The following TRIM21 variants were observed in gnomAD, a reference collection of about 807,000 sequenced individuals.
TRIM21 encodes tripartite motif containing 21.
TRIM21 carries 35 observed loss-of-function variants against 36.1 expected under a neutral mutation model. The observed-to-expected ratio is 0.97, with a 90% CI of 0.74 to 1.28. TRIM21 has a LOEUF of 1.28. TRIM21 is among the 50% of genes most tolerant of loss of function. The probability of loss-of-function intolerance (pLI) is 0.00; values close to 1 mark genes in which losing one functional copy is unlikely to be tolerated. For synonymous variants in TRIM21, 256 were observed against 211.5 expected, an observed-to-expected ratio of 1.21 and a Z score of -1.83; for missense variants, 635 against 570.7, an observed-to-expected ratio of 1.11 and a Z score of -1.15.
chr11:4,390,352 G>A lies in TRIM21; in HGVS notation c.58C>T (p.Leu20=). The part of the protein sequence containing the change: ...MWEEVTCPIC[L]DPFVEPVSIE... ...CTCACAGGCTCCACGAAGGGGTCCA[G>A]GCAGATAGGGCATGTGACCTCCTCC... Residue 20 remains leucine (L), a synonymous_variant, in exon 2 of 7, where the codon CTG becomes TTG. Transcript: ENST00000254436. 1.2e-6 allele frequency: 2 copies of A among 1,613,848 alleles called. No individual in the cohort carries two copies.
At chr11:4,386,756 T>C (rs1394798966) in intron 5 of TRIM21, among the ~76,000 whole-genome samples, 11 of 152,198 alleles carry the variant, frequency 7.2e-5, no homozygotes, top group Admixed American at 7.2e-4. Context: ...TGTGAAGATG[T>C]TATGATCCAA....
At chr11:4,388,568 A>G in intron 3 of TRIM21, 38 bp from the exon 4 acceptor site, 1 of 1,587,080 alleles carries the variant, frequency 6.3e-7, no homozygotes, top group Admixed American at 1.7e-5. Flanking sequence ...GGTTTTTATG[A>G]AAATCTCCCA....
chr11:4,393,413 C>G (rs2094965494), intron 1 of TRIM21, among the ~76,000 whole-genome samples: 2 of 152,130 alleles, frequency 1.3e-5, no homozygotes, highest in African/African-American at 2.4e-5. Flanking sequence ...CCTTCCCCTT[C>G]TGGGTAACTC....
In TRIM21 at chr11:4,390,010, C is replaced by T. The variant is rs367901949; in HGVS notation, c.400G>A (p.Glu134Lys). 37 of 1,613,614 alleles carry T rather than the reference C, an allele frequency of 2.3e-5. No homozygotes were observed. The highest frequency in any genetic ancestry group is 2.8e-5 in the Non-Finnish European group (33 of 1,179,766). Residue 134 changes from glutamate (E) to lysine (K), a missense_variant, in exon 2 of 7, where the codon GAG becomes AAG. Coordinates refer to ENST00000254436, the MANE Select transcript of TRIM21 (RefSeq NM_003141.4). ...TGTCTCTTAGGCCTCACCTGGTACT[C>T]CTGTGCAGCCTCCTCAAGAGGGACC... ...AMVPLEEAAQ[E>K]YQEKLQVALG...
intron 1 of TRIM21, among the ~76,000 whole-genome samples, chr11:4,392,831 C>A (rs1296150818): frequency 6.6e-6 from 1 of 152,124 alleles, no homozygotes; most frequent in Non-Finnish European, 1.5e-5. Context: ...CTGCTTAAAC[C>A]CTCAGTGCTC....
At chr11:4,391,303 GACAA>G (rs1321128234) in intron 1 of TRIM21, among the ~76,000 whole-genome samples, 6 of 152,170 alleles carry the variant, frequency 3.9e-5, no homozygotes, top group Admixed American at 2.0e-4. Context: ...TCATACAAAT[GACAA>G]ACAGGCATAT....
rs2094959166 is a variant in TRIM21, at chr11:4,388,531, C to G, written c.505-1G>C. 2 of 1,606,344 alleles carry G rather than the reference C, an allele frequency of 1.2e-6. No homozygotes were observed. The highest frequency in any genetic ancestry group is 1.3e-5 in the African/African-American group (1 of 74,874). ...TAGATTTCTGTGTTTCCACTGTTTT[C>G]TTTAGTGTCAAGGGAAAGGGAGAGG... On this transcript the variant is annotated splice_acceptor_variant, in intron 3 of 6. Coordinates refer to ENST00000254436, the MANE Select transcript of TRIM21 (RefSeq NM_003141.4). LOFTEE classifies it high-confidence loss of function.
Position 4,385,757 on chromosome 11 carries a change from G to C in TRIM21, c.956C>G (p.Pro319Arg). ...VRLGDTQQSI[P>R]GNEERFDSYP... ...ACTATCAAATCTCTCTTCATTTCCA[G>C]GTATGCTCTGCTGGGTGTCTCCAAG... Residue 319 changes from proline to arginine, a missense_variant, in exon 7 of 7, where the codon CCT (proline) becomes CGT (arginine). Coordinates refer to ENST00000254436, the MANE Select transcript of TRIM21 (RefSeq NM_003141.4). 1 of 1,613,500 alleles carries C rather than the reference G, an allele frequency of 6.2e-7. No individual in the cohort carries two copies. The highest frequency in any genetic ancestry group is 8.5e-7 in the Non-Finnish European group (1 of 1,179,732).
intron 4 of TRIM21, 125 bp from the exon 5 acceptor site, chr11:4,387,115 A>G: frequency 1.1e-6 from 1 of 941,680 alleles, no homozygotes; most frequent in Non-Finnish European, 1.6e-6. Context: ...CTCTGGTCCT[A>G]GGCCCCAGAG....
At position 4,385,162 on chromosome 11, in the gene TRIM21, C is replaced by T; in HGVS notation, c.*123G>A. On this transcript the variant is annotated 3_prime_UTR_variant, in exon 7 of 7. Coordinates refer to ENST00000254436, the MANE Select transcript of TRIM21 (RefSeq NM_003141.4). ...GAAGTGACTTCCCTGCTAAAGCTCG[C>T]TTGCTGGGATCCGGATGCCTCTGCA... The T allele has an allele frequency of 1.1e-6, 1 of 945,270 alleles. No individual in the cohort carries two copies. Among genetic ancestry groups the T allele is most frequent in the South Asian group, 1.8e-5 (1 of 54,418 alleles). The allele number at this position is 945,270 out of a possible 1,614,324, so 58.6% of individuals were successfully genotyped here.
intron 6 of TRIM21, 100 bp from the exon 7 acceptor site, chr11:4,385,953 G>A: frequency 2.4e-6 from 3 of 1,256,162 alleles, no homozygotes; most frequent in Non-Finnish European, 3.3e-6. Context: ...GTAAGCATGA[G>A]GGGTGAACCT....
Position 4,385,269 on chromosome 11 carries a change from T to C in TRIM21, c.*16A>G. On this transcript the variant is annotated 3_prime_UTR_variant, in exon 7 of 7. Transcript: ENST00000254436. ...GCGGTGCCAATGGGGAGAGTGGCAG[T>C]GTCCAGAGAAAGCCATCAATAGTCA... 1 of 1,597,108 alleles carries C rather than the reference T, an allele frequency of 6.3e-7. No individual in the cohort carries two copies. Among genetic ancestry groups the C allele is most frequent in the East Asian group, 2.2e-5 (1 of 44,710 alleles).
intron 5 of TRIM21, 73 bp from the exon 6 acceptor site, chr11:4,386,330 G>A: frequency 8.3e-7 from 1 of 1,210,650 alleles, no homozygotes; most frequent in South Asian, 1.3e-5. Context: ...CCTCCATTGT[G>A]GAGGACTCCG....
At chr11:4,388,797 A>G (rs1462812235) in intron 3 of TRIM21, among the ~76,000 whole-genome samples, 1 of 152,086 alleles carries the variant, frequency 6.6e-6, no homozygotes, top group Non-Finnish European at 1.5e-5. Flanking sequence ...CTACACGAAT[A>G]TATGGCATTG....
rs780484565 is a variant in TRIM21, at chr11:4,385,625, A to C, written c.1088T>G (p.Val363Gly). ...AAGCAAAAAGTGCCCCTTCCTGCGC[A>C]CAGAGTCTCTGCAGACACCCAGGTC... ...AWDLGVCRDSVRRKGHFLLSS... is the reference protein window; with the variant it reads ...AWDLGVCRDSGRRKGHFLLSS... The change falls in exon 7 of 7, where the codon GTG becomes GGG. Residue 363 changes from valine to glycine, a missense_variant. Coordinates refer to ENST00000254436, the MANE Select transcript of TRIM21 (RefSeq NM_003141.4). The C allele has an allele frequency of 6.2e-7, 1 of 1,612,694 alleles. No homozygotes were observed. Among genetic ancestry groups the C allele is most frequent in the Admixed American group, 1.7e-5 (1 of 59,848 alleles).
Position 4,385,500 on chromosome 11 carries a change from A to T in TRIM21, c.1213T>A (p.Cys405Ser). The T allele has an allele frequency of 1.2e-6, 2 of 1,612,068 alleles. No homozygotes were observed. Among genetic ancestry groups the T allele is most frequent in the Non-Finnish European group, 1.7e-6 (2 of 1,179,038 alleles). ...TAGTCCAGGAAAATCCCAACTTGGC[A>T]TGGAGGCACCTGAAGGTGGAGGGGA... ...QTPLHLQVPP[C>S]QVGIFLDYEA... The change falls in exon 7 of 7, where the codon TGC (cysteine) becomes AGC (serine). Residue 405 changes from cysteine (C) to serine (S), a missense_variant. Coordinates refer to ENST00000254436, the MANE Select transcript of TRIM21 (RefSeq NM_003141.4).
Position 4,385,259 on chromosome 11 carries a change from A to G in TRIM21, c.*26T>C. 1 of 1,580,308 alleles carries G rather than the reference A, an allele frequency of 6.3e-7. No individual in the cohort carries two copies. Among genetic ancestry groups the G allele is most frequent in the Non-Finnish European group, 8.6e-7 (1 of 1,160,796 alleles). On this transcript the variant is annotated 3_prime_UTR_variant, in exon 7 of 7. Transcript: ENST00000254436. ...TGGCTGAGAAGCGGTGCCAATGGGG[A>G]GAGTGGCAGTGTCCAGAGAAAGCCA...
Position 4,390,128 on chromosome 11 carries a change from C to T in TRIM21, c.282G>A (p.Val94=), listed in dbSNP as rs1211515162. Residue 94 remains valine (V), a synonymous_variant, in exon 2 of 7, where the codon GTG becomes GTA. Coordinates refer to ENST00000254436, the MANE Select transcript of TRIM21 (RefSeq NM_003141.4). ...AGAACAGGTGAAGTCTCTCTCCATG[C>T]ACTGCACACCGTTCCCCCTGTGTGC... ...REGTQGERCA[V]HGERLHLFCE... is the part of the protein sequence containing the mutation. 1 of 1,614,052 alleles carries T rather than the reference C, an allele frequency of 6.2e-7. No individual in the cohort carries two copies. Among genetic ancestry groups the T allele is most frequent in the Non-Finnish European group, 8.5e-7 (1 of 1,179,890 alleles).
chr11:4,385,674 C>T lies in TRIM21; in HGVS notation c.1039G>A (p.Asp347Asn). Reference sequence around the variant, plus strand: ...TCCCAGGCCTCCTTTCCTGTCACATCTACCTCCCAGTAATGTTTTCCAGAG... The same window carrying T: ...TCCCAGGCCTCCTTTCCTGTCACATTTACCTCCCAGTAATGTTTTCCAGAG... ...FHSGKHYWEV[D>N]VTGKEAWDLG... Residue 347 changes from aspartate to asparagine, a missense_variant, in exon 7 of 7, where the codon GAT (aspartate) becomes AAT (asparagine). Coordinates refer to ENST00000254436, the MANE Select transcript of TRIM21 (RefSeq NM_003141.4). 1 of 1,613,370 alleles carries T rather than the reference C, an allele frequency of 6.2e-7. No individual in the cohort carries two copies.
Sources: gnomAD v4.1 joint callset for allele counts (sites outside exome capture counted in the v4.1 genomes callset) on GRCh38, gnomAD v4.1.1 for gene constraint, MANE v1.5 for transcripts, NCBI Gene and HGNC (gene_info 2026-07-23, HGNC 2026-07-21) for gene names.